CCSER1: variants seen among roughly 807,000 people sequenced by gnomAD.
The protein encoded by CCSER1 is serine-rich coiled-coil domain-containing protein 1.
CCSER1 carries 41 observed loss-of-function variants against 82.0 expected under a neutral mutation model. The ratio of observed to expected loss-of-function variants is 0.50; its 90% confidence interval spans 0.39 to 0.65. CCSER1 has a LOEUF of 0.65. Among genes scored for constraint, CCSER1 ranks in the 30% least tolerant of loss-of-function variants. The pLI, the probability that CCSER1 is intolerant of heterozygous loss-of-function variation, is 0.00. For synonymous variants in CCSER1, 414 were observed against 383.9 expected (o/e 1.08, Z -0.92); for missense variants, 1,119 against 1,064.2 (o/e 1.05, Z -0.72).
Position 90,876,118 on chromosome 4 carries a change from G to T in CCSER1, c.2095-47252G>T, listed in dbSNP as rs184469723. On this transcript the variant is annotated intron_variant, in intron 8 of 10. Transcript: ENST00000509176. ...AATTATGAGAAGAAAGATAAAAAAT[G>T]ATTGCCCCCTTTTTCCCCTCTCTCC... Among the ~76,000 whole-genome samples, 5 of 152,064 alleles carry T rather than the reference G, an allele frequency of 3.3e-5. No individual in the cohort carries two copies. In the East Asian group the frequency reaches 9.7e-4, roughly 30 times the overall value.
chr4:90,778,601 A>G (rs1043698476), intron 7 of CCSER1, among the ~76,000 whole-genome samples: 6 of 151,752 alleles, frequency 4.0e-5, no homozygotes, highest in Admixed American at 3.9e-4. Flanking sequence ...CTGCAAACCA[A>G]CACTTCAGAG....
intron 10 of CCSER1, among the ~76,000 whole-genome samples, chr4:91,136,021 G>A (rs573024903): frequency 2.4e-4 from 37 of 152,126 alleles, no homozygotes; most frequent in Middle Eastern, 3.4e-3. Flanking sequence ...ATTTATTGAC[G>A]TACAAAAGTA....
At position 90,309,422 on chromosome 4, in the gene CCSER1, C is replaced by A; in HGVS notation, c.1138C>A (p.Gln380Lys). The change falls in exon 2 of 11, where the codon CAA (glutamine) becomes AAA (lysine). Residue 380 changes from glutamine (Q) to lysine (K), a missense_variant. Coordinates refer to ENST00000509176, the MANE Select transcript of CCSER1 (RefSeq NM_001145065.2). ...DSEREENIGL[Q>K]NGETMLGTNS... Reference sequence around the variant, plus strand: ...TGAAAGAGAAGAAAATATAGGGTTACAAAATGGTGAAACAATGCTGGGGAC... The same window carrying A: ...TGAAAGAGAAGAAAATATAGGGTTAAAAAATGGTGAAACAATGCTGGGGAC... 6.2e-7 allele frequency: 1 copy of A among 1,613,728 alleles called. No individual in the cohort carries two copies. Among genetic ancestry groups the A allele is most frequent in the Non-Finnish European group, 8.5e-7 (1 of 1,179,768 alleles).
chr4:90,222,082 TG>T (rs1460558804), intron 1 of CCSER1, among the ~76,000 whole-genome samples: 2 of 152,060 alleles, frequency 1.3e-5, no homozygotes, highest in Admixed American at 6.6e-5. Context: ...CAAAGCAAGC[TG>T]GTGCATGGAA....
chr4:91,194,681 C>T lies in CCSER1; in HGVS notation c.2217+108687C>T, dbSNP rs571341420. ...AAATGCACATGGTAGAGAACACACA[C>T]ACACACACACACAAATGCACGCAGA... is the stretch of plus-strand genomic sequence containing the variant. On this transcript the variant is annotated intron_variant, in intron 10 of 10. Transcript: ENST00000509176. Among the ~76,000 whole-genome samples the T allele has an allele frequency of 3.3e-5, 5 of 152,244 alleles. No individual in the cohort carries two copies. The East Asian group carries it at 9.7e-4, about 29-fold the overall frequency.
intron 10 of CCSER1, among the ~76,000 whole-genome samples, chr4:91,538,673 A>G (rs1232118910): frequency 1.7e-5 from 1 of 58,076 alleles, no homozygotes; most frequent in Non-Finnish European, 3.7e-5. Context: ...ATATATGTGT[A>G]TATATGATAT....
At chr4:90,281,323 T>C (rs1728812071) in intron 1 of CCSER1, among the ~76,000 whole-genome samples, 1 of 151,886 alleles carries the variant, frequency 6.6e-6, no homozygotes. Context: ...GGGTTTTTCG[T>C]AGGGACAGGG....
chr4:90,658,302 G>A (rs1382965053), intron 6 of CCSER1, among the ~76,000 whole-genome samples: 1 of 152,066 alleles, frequency 6.6e-6, no homozygotes, highest in Non-Finnish European at 1.5e-5. Flanking sequence ...ATTTACTTTT[G>A]CAGGCAATTA....
At chr4:90,879,261 G>T (rs867383432) in intron 8 of CCSER1, among the ~76,000 whole-genome samples, 1 of 152,100 alleles carries the variant, frequency 6.6e-6, no homozygotes. Context: ...AGCTCTGTCA[G>T]ACCTATTAGG....
chr4:91,580,260 T>C (rs1219832522), intron 10 of CCSER1, among the ~76,000 whole-genome samples: 3 of 151,808 alleles, frequency 2.0e-5, no homozygotes, highest in Non-Finnish European at 2.9e-5. Context: ...TTAGATATCC[T>C]TATTTTTGTT....
At chr4:91,307,173 C>T (rs530288383) in intron 10 of CCSER1, among the ~76,000 whole-genome samples, 1 of 151,744 alleles carries the variant, frequency 6.6e-6, no homozygotes, top group Non-Finnish European at 1.5e-5. Context: ...TGTATTAACT[C>T]TTAATAAAAT....
chr4:90,591,755 T>C (rs925595103), intron 5 of CCSER1, among the ~76,000 whole-genome samples: 1 of 152,174 alleles, frequency 6.6e-6, no homozygotes, highest in Admixed American at 6.5e-5. Context: ...TGGAACACTA[T>C]TAACAATATC....
At chr4:90,148,793 CTCTA>C (rs1450656908) in intron 1 of CCSER1, among the ~76,000 whole-genome samples, 1 of 151,826 alleles carries the variant, frequency 6.6e-6, no homozygotes, top group East Asian at 1.9e-4. Context: ...TATTTTTTTT[CTCTA>C]TCTTATTCTG....
chr4:90,172,095 C>T (rs1415199579), intron 1 of CCSER1, among the ~76,000 whole-genome samples: 1 of 151,858 alleles, frequency 6.6e-6, no homozygotes, highest in South Asian at 2.1e-4. Context: ...GGTGAAAAGG[C>T]CATGCTCTTT....
rs559593406 is a variant in CCSER1 at position 90,396,264 on chromosome 4, T to A, written c.1510-3772T>A. Among the ~76,000 whole-genome samples the A allele has an allele frequency of 2.2e-3, 341 of 152,342 alleles. 3 individuals are homozygous for A. The highest frequency in any genetic ancestry group is 7.9e-3 in the African/African-American group (329 of 41,584). ...TGAAATGCATAATTGCACCCTCTTA[T>A]ATTTGAGATATCATCATTAGTGTTA... On this transcript the variant is annotated intron_variant, in intron 3 of 10. Transcript: ENST00000509176.
chr4:90,233,052 G>A (rs1245792956), intron 1 of CCSER1, among the ~76,000 whole-genome samples: 2 of 151,948 alleles, frequency 1.3e-5, no homozygotes, highest in African/African-American at 4.8e-5. Flanking sequence ...CAACCATTGT[G>A]GAAGTCAGTG....
intron 10 of CCSER1, among the ~76,000 whole-genome samples, chr4:91,168,811 G>A (rs1457100717): frequency 6.6e-6 from 1 of 152,136 alleles, no homozygotes; most frequent in East Asian, 1.9e-4. Flanking sequence ...CTGTGTCTGT[G>A]TAGAAAGAAG....
At chr4:91,232,355 A>G (rs1203775164) in intron 10 of CCSER1, among the ~76,000 whole-genome samples, 1 of 151,798 alleles carries the variant, frequency 6.6e-6, no homozygotes. Flanking sequence ...TTTTTCAACA[A>G]ATTGTGTTTA....
chr4:90,983,049 A>C (rs1361866972), intron 9 of CCSER1, among the ~76,000 whole-genome samples: 5 of 151,774 alleles, frequency 3.3e-5, no homozygotes, highest in African/African-American at 1.2e-4. Flanking sequence ...CAGCAGCATG[A>C]CTTACGCTAT....
Sources: allele counts gnomAD v4.1 joint callset (sites outside exome capture counted in the v4.1 genomes callset), GRCh38; gene constraint gnomAD v4.1.1; transcripts MANE v1.5; gene names NCBI Gene and HGNC (gene_info 2026-07-23, HGNC 2026-07-21).